Variants in SLIT1 observed in about 807,000 individuals in gnomAD.
SLIT1 encodes slit homolog 1 protein.
SLIT1 carries 66 observed loss-of-function variants against 186.1 expected under a neutral mutation model. That is an observed-to-expected ratio of 0.35 (90% CI 0.29 to 0.44). The LOEUF is 0.44. Ranked by LOEUF, SLIT1 falls within the 20% of genes least tolerant of loss-of-function variation. The probability of loss-of-function intolerance (pLI) is 1.00; values close to 1 mark genes in which losing one functional copy is unlikely to be tolerated. For missense variants in SLIT1, 1,638 were observed against 2,037.4 expected, an observed-to-expected ratio of 0.80 and a Z score of 3.77; for synonymous variants, 761 against 833.8, an observed-to-expected ratio of 0.91 and a Z score of 1.50.
intron 4 of SLIT1, among the ~76,000 whole-genome samples, chr10:97,144,084 G>C (rs952638827): frequency 5.9e-5 from 9 of 152,102 alleles, no homozygotes; most frequent in Admixed American, 1.3e-4. Flanking sequence ...TGTGGTCCCA[G>C]GTACTCAGGA....
intron 4 of SLIT1, among the ~76,000 whole-genome samples, chr10:97,105,700 C>T (rs1243691422): frequency 2.6e-5 from 4 of 152,212 alleles, no homozygotes; most frequent in Non-Finnish European, 4.4e-5. Context: ...GGCATCTCCG[C>T]AGGGTCTTAA....
intron 4 of SLIT1, among the ~76,000 whole-genome samples, chr10:97,125,615 G>A (rs1849597250): frequency 6.6e-6 from 1 of 151,592 alleles, no homozygotes; most frequent in African/African-American, 2.4e-5. Context: ...GAGGCGGGCG[G>A]ATCACCTGAG....
At chr10:97,169,807 AG>A (rs560227067) in intron 1 of SLIT1, among the ~76,000 whole-genome samples, 3 of 152,224 alleles carry the variant, frequency 2.0e-5, no homozygotes, top group Non-Finnish European at 4.4e-5. Flanking sequence ...ACAACCTATA[AG>A]GGGAGTCATA....
intron 1 of SLIT1, 122 bp from the exon 2 acceptor site, chr10:97,165,012 G>A: frequency 1.4e-6 from 1 of 730,146 alleles, no homozygotes; most frequent in Non-Finnish European, 2.5e-6. Flanking sequence ...GGGGCTGGGG[G>A]CTTCTGTGAG....
chr10:97,183,723 G>A (rs1038873065), intron 1 of SLIT1, among the ~76,000 whole-genome samples: 1 of 152,156 alleles, frequency 6.6e-6, no homozygotes, highest in Non-Finnish European at 1.5e-5. Flanking sequence ...TAAGACTCAA[G>A]ATTCAAAAGC....
rs141671569 is a variant in SLIT1 at position 97,061,652 on chromosome 10, A to G, written c.794-865T>C. Among the ~76,000 whole-genome samples the G allele has an allele frequency of 1.6e-3, 239 of 152,372 alleles. 1 individual carries two copies. The highest frequency in any genetic ancestry group is 5.5e-3 in the African/African-American group (227 of 41,592). ...TTGTTCTTTTTCATTGCTGAGTAGT[A>G]TTCCATTATATGGATACATCATAAT... On this transcript the variant is annotated intron_variant, in intron 8 of 36. Transcript: ENST00000266058.
intron 4 of SLIT1, among the ~76,000 whole-genome samples, chr10:97,122,763 T>G (rs1264594424): frequency 2.6e-5 from 4 of 152,142 alleles, no homozygotes; most frequent in Non-Finnish European, 5.9e-5. Flanking sequence ...GAGCTCCTTG[T>G]CCAGAAGCTG....
chr10:97,132,827 C>T (rs1271926536), intron 4 of SLIT1, among the ~76,000 whole-genome samples: 1 of 152,212 alleles, frequency 6.6e-6, no homozygotes, highest in African/African-American at 2.4e-5. Context: ...GGCTCCTAAC[C>T]CATCCCCTTC....
chr10:97,002,698 G>A lies in SLIT1; in HGVS notation c.4154+6C>T. ...GGCAAGGGCTCCCCCAGTGCCCCAG[G>A]CTCACTTGTGGCCATGGCAGGGGCC... On this transcript the variant is annotated splice_donor_region_variant and intron_variant, in intron 35 of 36. Transcript: ENST00000266058. The A allele has an allele frequency of 6.4e-7, 1 of 1,559,442 alleles. No individual in the cohort carries two copies.
chr10:97,106,751 AC>A, intron 4 of SLIT1, among the ~76,000 whole-genome samples: 1 of 151,842 alleles, frequency 6.6e-6, no homozygotes, highest in Non-Finnish European at 1.5e-5. Flanking sequence ...GCGCCGCTCT[AC>A]CCCTGAGCAG....
chr10:97,019,231 A>G, intron 26 of SLIT1, 124 bp from the exon 27 acceptor site: 1 of 656,988 alleles, frequency 1.5e-6, no homozygotes, highest in Non-Finnish European at 2.7e-6. Flanking sequence ...TTTTCCCCAG[A>G]TCGTGCTCAC....
intron 30 of SLIT1, among the ~76,000 whole-genome samples, chr10:97,011,767 C>G (rs550899443): frequency 1.3e-5 from 2 of 152,270 alleles, no homozygotes; most frequent in Non-Finnish European, 2.9e-5. Flanking sequence ...GTCTGTCCTA[C>G]AGACCTCCTG....
intron 1 of SLIT1, among the ~76,000 whole-genome samples, chr10:97,178,489 G>A (rs1564696085): frequency 6.6e-6 from 1 of 152,166 alleles, no homozygotes. Flanking sequence ...CCAAATTAAG[G>A]GAGACTAAAG....
Position 97,010,207 on chromosome 10 carries a change from G to C in SLIT1, c.3341+786C>G, listed in dbSNP as rs975922201. 6.6e-6 allele frequency among the ~76,000 whole-genome samples: 1 copy of C among 152,180 alleles called. No individual in the cohort carries two copies. The highest frequency in any genetic ancestry group is 1.5e-5 in the Non-Finnish European group (1 of 68,042). On this transcript the variant is annotated intron_variant, in intron 31 of 36. Coordinates refer to ENST00000266058, the MANE Select transcript of SLIT1 (RefSeq NM_003061.3). The surrounding 1 kb of genome is among the most constrained non-coding windows in gnomAD (Gnocchi z 4.8). ...TAAACAAAATGTGGTATGTCCATAC[G>C]GCAGAACACTGTTTAGCCATAAGAA...
In SLIT1 at chr10:97,019,123, G is replaced by A; in HGVS notation, c.2747-16C>T. On this transcript the variant is annotated splice_polypyrimidine_tract_variant and intron_variant, in intron 26 of 36. Transcript: ENST00000266058. ...GTTGGAGGACCTGCAGCAAGGGGAG[G>A]GTGCTAGTGCAGGGGGAGGGGTGGG... 1 of 1,548,036 alleles carries A rather than the reference G, an allele frequency of 6.5e-7. No homozygotes were observed. The highest frequency in any genetic ancestry group is 8.9e-7 in the Non-Finnish European group (1 of 1,120,164).
rs1848357215 is a variant in SLIT1 at position 97,006,062 on chromosome 10, G to A, written c.3579+421C>T. Among the ~76,000 whole-genome samples, 1 of 152,170 alleles carries A rather than the reference G, an allele frequency of 6.6e-6. No individual in the cohort carries two copies. Among genetic ancestry groups the A allele is most frequent in the Non-Finnish European group, 1.5e-5 (1 of 68,028 alleles). ...GAAGATGTTCTGAGATGGAACTGAAGGCATGAAAAGGATGAGTTAAGGGAC... is the reference window on the plus strand; with the variant it reads ...GAAGATGTTCTGAGATGGAACTGAAAGCATGAAAAGGATGAGTTAAGGGAC... On this transcript the variant is annotated intron_variant, in intron 32 of 36. Transcript: ENST00000266058. The surrounding 1 kb of genome is among the most constrained non-coding windows in gnomAD (Gnocchi z 4.0).
chr10:97,159,562 G>C (rs1374298291), intron 3 of SLIT1, among the ~76,000 whole-genome samples: 1 of 152,006 alleles, frequency 6.6e-6, no homozygotes, highest in Non-Finnish European at 1.5e-5. Flanking sequence ...AAATTATTTA[G>C]GAGGAAAAAG....
chr10:97,084,821 G>T (rs939375524), intron 4 of SLIT1, among the ~76,000 whole-genome samples: 1 of 151,660 alleles, frequency 6.6e-6, no homozygotes, highest in African/African-American at 2.4e-5. Context: ...TGGCCATACT[G>T]TTCTCAACCT....
At chr10:97,142,865 A>G (rs555852577) in intron 4 of SLIT1, among the ~76,000 whole-genome samples, 2 of 152,358 alleles carry the variant, frequency 1.3e-5, no homozygotes, top group South Asian at 4.1e-4. Context: ...ATAACTAATC[A>G]TGTTGTGCTC....
Sources: allele counts gnomAD v4.1 joint callset (sites outside exome capture counted in the v4.1 genomes callset), GRCh38; gene constraint gnomAD v4.1.1; non-coding constraint Gnocchi (gnomAD v3.1); transcripts MANE v1.5; gene names NCBI Gene and HGNC (gene_info 2026-07-23, HGNC 2026-07-21).